Variants in RBFOX1 observed in about 807,000 individuals in gnomAD.
The protein encoded by RBFOX1 is RNA binding fox-1 homolog 1.
RBFOX1 carries 8 observed loss-of-function variants against 57.7 expected under a neutral mutation model. That is an observed-to-expected ratio of 0.14 (90% CI 0.08 to 0.25). RBFOX1 has a LOEUF of 0.25. Ranked by LOEUF, RBFOX1 falls within the 10% of genes least tolerant of loss-of-function variation. The pLI, the probability that RBFOX1 is intolerant of heterozygous loss-of-function variation, is 1.00. For missense variants in RBFOX1, 611 were observed against 548.5 expected (o/e 1.11, Z -1.14); for synonymous variants, 326 against 222.4 (o/e 1.47, Z -4.15).
chr16:7,345,917 T>A (rs1269143225), intron 4 of RBFOX1, among the ~76,000 whole-genome samples: 4 of 152,190 alleles, frequency 2.6e-5, no homozygotes, highest in Non-Finnish European at 5.9e-5. Flanking sequence ...CATGTTGGTG[T>A]GCTGCACCCA....
At chr16:7,107,661 C>T (rs1276120675) in intron 4 of RBFOX1, among the ~76,000 whole-genome samples, 1 of 152,112 alleles carries the variant, frequency 6.6e-6, no homozygotes, top group Non-Finnish European at 1.5e-5. Context: ...AAAACAACCA[C>T]CAATCCACTT....
intron 1 of RBFOX1, 114 bp downstream of exon 1, chr16:6,020,106 C>G: frequency 4.2e-6 from 5 of 1,203,868 alleles, no homozygotes; most frequent in Non-Finnish European, 5.4e-6. Flanking sequence ...CTCCTAGCGC[C>G]AGTCTGGGCG....
intron 3 of RBFOX1, among the ~76,000 whole-genome samples, chr16:7,045,002 A>G (rs1475081642): frequency 6.6e-6 from 1 of 152,200 alleles, no homozygotes; most frequent in Admixed American, 6.5e-5. Context: ...TTGCAGCCGA[A>G]ACACACAACT....
At chr16:6,448,992 T>A (rs1334361500) in intron 2 of RBFOX1, among the ~76,000 whole-genome samples, 2 of 152,176 alleles carry the variant, frequency 1.3e-5, no homozygotes, top group Non-Finnish European at 2.9e-5. Flanking sequence ...TGCTTTTATA[T>A]AAACCTACAT....
intron 2 of RBFOX1, among the ~76,000 whole-genome samples, chr16:6,563,581 C>T (rs767592882): frequency 7.9e-5 from 12 of 152,240 alleles, no homozygotes; most frequent in East Asian, 1.9e-4. Context: ...TGGTGGCTCA[C>T]GCCTGTACTT....
At chr16:6,825,955 TA>T (rs767530264) in intron 3 of RBFOX1, among the ~76,000 whole-genome samples, 42 of 152,282 alleles carry the variant, frequency 2.8e-4, no homozygotes, top group Admixed American at 8.5e-4. Context: ...GCTCATCCTT[TA>T]ACGATACGAG....
At chr16:5,614,003 A>C (rs894416276) in intron 3 of RBFOX1, among the ~76,000 whole-genome samples, 1 of 151,216 alleles carries the variant, frequency 6.6e-6, no homozygotes, top group South Asian at 2.1e-4. Flanking sequence ...CACTTCTCTC[A>C]ATGGGGCTGT....
At chr16:6,119,015 T>A (rs797001369) in intron 1 of RBFOX1, among the ~76,000 whole-genome samples, 90 of 48,488 alleles carry the variant, frequency 1.9e-3, no homozygotes, top group African/African-American at 5.5e-3. Flanking sequence ...ATTCCTCAGG[T>A]TTTTTTTTTT....
At chr16:6,152,080 C>T (rs2152726113) in intron 1 of RBFOX1, among the ~76,000 whole-genome samples, 1 of 152,178 alleles carries the variant, frequency 6.6e-6, no homozygotes, top group South Asian at 2.1e-4. Flanking sequence ...CCTTTATTGG[C>T]CAGGAGAAGA....
chr16:5,401,514 C>T (rs562650475), intron 1 of RBFOX1, among the ~76,000 whole-genome samples: 3 of 152,258 alleles, frequency 2.0e-5, no homozygotes, highest in Non-Finnish European at 2.9e-5. Flanking sequence ...TTGTGATAAG[C>T]TTCTGAAGGA....
intron 4 of RBFOX1, among the ~76,000 whole-genome samples, chr16:7,415,200 A>G (rs2098466597): frequency 6.6e-6 from 1 of 152,188 alleles, no homozygotes; most frequent in South Asian, 2.1e-4. Context: ...TGTGCCTTCA[A>G]ATGTCCCAGA....
At chr16:6,747,560 T>A (rs556623958) in intron 3 of RBFOX1, among the ~76,000 whole-genome samples, 2 of 152,166 alleles carry the variant, frequency 1.3e-5, no homozygotes, top group East Asian at 3.8e-4. Context: ...ATTCACATAA[T>A]CTCTGTTAAA....
At chr16:6,925,613 T>G (rs1486312541) in intron 3 of RBFOX1, among the ~76,000 whole-genome samples, 1 of 151,970 alleles carries the variant, frequency 6.6e-6, no homozygotes, top group Admixed American at 6.6e-5. Flanking sequence ...CATAAATATT[T>G]GGGGGCATCA....
intron 2 of RBFOX1, among the ~76,000 whole-genome samples, chr16:6,484,479 C>T (rs2095431650): frequency 6.6e-6 from 1 of 152,086 alleles, no homozygotes; most frequent in Admixed American, 6.5e-5. Context: ...ATAAGAGTTG[C>T]CTTCTTCTGA....
intron 3 of RBFOX1, among the ~76,000 whole-genome samples, chr16:7,041,776 C>T (rs1386749960): frequency 6.6e-6 from 1 of 152,190 alleles, no homozygotes; most frequent in Non-Finnish European, 1.5e-5. Context: ...CCCAGTGCTT[C>T]TTGTGAAAAC....
At chr16:5,656,833 C>A (rs28505235) in intron 3 of RBFOX1, among the ~76,000 whole-genome samples, 1 of 151,978 alleles carries the variant, frequency 6.6e-6, no homozygotes, top group Non-Finnish European at 1.5e-5. Flanking sequence ...AACACAGGAA[C>A]AGAAAACCAA....
chr16:7,708,443 G>A (rs1218601907), intron 14 of RBFOX1, among the ~76,000 whole-genome samples: 1 of 152,098 alleles, frequency 6.6e-6, no homozygotes, highest in Non-Finnish European at 1.5e-5. Flanking sequence ...ACCTGGCCAT[G>A]GATTAATGTG....
chr16:6,851,735 T>G (rs905606991), intron 3 of RBFOX1, among the ~76,000 whole-genome samples: 1 of 151,978 alleles, frequency 6.6e-6, no homozygotes, highest in Non-Finnish European at 1.5e-5. Flanking sequence ...CAGAGCATGA[T>G]TTGATAAAGA....
chr16:7,157,060 A>G (rs1321053541), intron 4 of RBFOX1, among the ~76,000 whole-genome samples: 1 of 152,182 alleles, frequency 6.6e-6, no homozygotes, highest in Non-Finnish European at 1.5e-5. Flanking sequence ...TTTTTCCCCT[A>G]TTATACTTGA....
Sources: gnomAD v4.1 joint callset for allele counts (sites outside exome capture counted in the v4.1 genomes callset) on GRCh38, gnomAD v4.1.1 for gene constraint, MANE v1.5 for transcripts, NCBI Gene and HGNC (gene_info 2026-07-23, HGNC 2026-07-21) for gene names.